ADGB: variants seen among roughly 807,000 people sequenced by gnomAD.
The protein encoded by ADGB is androglobin, also known as calpain-7-like protein.
In ADGB, 172 loss-of-function variants were observed where a neutral mutation model predicts 210.5. That is an observed-to-expected ratio of 0.82 (90% CI 0.72 to 0.93). The LOEUF is 0.93. Ranked by LOEUF, ADGB falls within the 40% of genes least tolerant of loss-of-function variation. ADGB has a pLI of 0.00. For missense variants in ADGB, 2,025 were observed against 1,964.8 expected, an observed-to-expected ratio of 1.03 and a Z score of -0.58; for synonymous variants, 658 against 662.7, an observed-to-expected ratio of 0.99 and a Z score of 0.11.
chr6:146,746,135 AG>A, intron 26 of ADGB, 26 bp downstream of exon 26: 1 of 1,422,062 alleles, frequency 7.0e-7, no homozygotes, highest in Non-Finnish European at 9.4e-7. Flanking sequence ...AGAAGGGGAA[AG>A]GCATTTTTTA....
chr6:146,803,583 C>T, intron 35 of ADGB: 7 of 1,408,520 alleles, frequency 5.0e-6, no homozygotes, highest in East Asian at 2.3e-5. Context: ...GTTTTGGAGA[C>T]TTCTTAACCT....
chr6:146,810,958 C>A (rs1233851034), intron 35 of ADGB, among the ~76,000 whole-genome samples: 4 of 152,054 alleles, frequency 2.6e-5, no homozygotes, highest in Non-Finnish European at 5.9e-5. Context: ...ATCAAACCAT[C>A]CTGTGGTATA....
At chr6:146,667,039 A>G in intron 7 of ADGB, 137 bp downstream of exon 7, 1 of 592,690 alleles carries the variant, frequency 1.7e-6, no homozygotes, top group South Asian at 2.5e-5. Flanking sequence ...GTTTTGTAGT[A>G]TTATATAAAG....
rs112028207 is a variant in ADGB at position 146,681,999 on chromosome 6, A to G, written c.1217-3735A>G. ...AAATAGAATTTATTTCATAGGGTTT[A>G]TGTGAACTGACTCATATGAAATACC... On this transcript the variant is annotated intron_variant, in intron 9 of 35. Coordinates refer to ENST00000397944, the MANE Select transcript of ADGB (RefSeq NM_024694.4). Among the ~76,000 whole-genome samples, 762 of 152,278 alleles carry G rather than the reference A, an allele frequency of 5.0e-3. 1 individual carries two copies. The highest frequency in any genetic ancestry group is 7.7e-3 in the Non-Finnish European group (527 of 68,008).
intron 1 of ADGB, among the ~76,000 whole-genome samples, chr6:146,618,354 T>A (rs1375489874): frequency 6.6e-6 from 1 of 151,938 alleles, no homozygotes; most frequent in Non-Finnish European, 1.5e-5. Flanking sequence ...TTTTTGTATA[T>A]TTTTATTCGT....
chr6:146,755,963 G>GTTTTT (rs1777401163), intron 27 of ADGB, among the ~76,000 whole-genome samples: 1 of 151,724 alleles, frequency 6.6e-6, no homozygotes, highest in Non-Finnish European at 1.5e-5. Flanking sequence ...TGTTTGTTTT[G>GTTTTT]TTTTGTTTTA....
At chr6:146,671,956 G>T (rs989202703) in intron 7 of ADGB, among the ~76,000 whole-genome samples, 1 of 152,098 alleles carries the variant, frequency 6.6e-6, no homozygotes, top group Non-Finnish European at 1.5e-5. Flanking sequence ...AACGTGATTA[G>T]CTTCCCTACC....
Position 146,779,800 on chromosome 6 carries a change from G to C in ADGB, c.3863-2220G>C, listed in dbSNP as rs76026072. ...TTTCAATTTATTTTGAAAACAAACC[G>C]AAGCAGTTTGTTTTGAAAACAAACT... is the stretch of plus-strand genomic sequence containing the variant. On this transcript the variant is annotated intron_variant, in intron 29 of 35. Coordinates refer to ENST00000397944, the MANE Select transcript of ADGB (RefSeq NM_024694.4). Among the ~76,000 whole-genome samples, 990 of 149,552 alleles carry C rather than the reference G, an allele frequency of 6.6e-3. 7 individuals are homozygous for C. The highest frequency in any genetic ancestry group is 7.9e-3 in the Non-Finnish European group (535 of 67,478).
chr6:146,809,892 G>A (rs1778279109), intron 35 of ADGB, among the ~76,000 whole-genome samples: 1 of 152,054 alleles, frequency 6.6e-6, no homozygotes, highest in African/African-American at 2.4e-5. Flanking sequence ...CCTTGACATT[G>A]GTCTTGGCAA....
At chr6:146,748,500 T>A (rs1003106121) in intron 26 of ADGB, among the ~76,000 whole-genome samples, 4 of 152,170 alleles carry the variant, frequency 2.6e-5, no homozygotes, top group African/African-American at 9.6e-5. Flanking sequence ...TTGCTGGTAA[T>A]CTTTGGTTAT....
At chr6:146,731,082 T>C (rs996610835) in intron 20 of ADGB, among the ~76,000 whole-genome samples, 2 of 152,194 alleles carry the variant, frequency 1.3e-5, no homozygotes, top group Admixed American at 6.5e-5. Flanking sequence ...TTATTTTTCG[T>C]AGGGAGTGAT....
At chr6:146,807,699 T>C (rs1471878873) in intron 35 of ADGB, 1 of 905,992 alleles carries the variant, frequency 1.1e-6, no homozygotes, top group Non-Finnish European at 1.6e-6. Flanking sequence ...AATTGTTCTT[T>C]CTTAGAAATA....
At chr6:146,789,858 G>A (rs1246363907) in intron 33 of ADGB, among the ~76,000 whole-genome samples, 3 of 152,146 alleles carry the variant, frequency 2.0e-5, no homozygotes, top group African/African-American at 7.2e-5. Flanking sequence ...GATGCAGTTT[G>A]GCTAGAACCT....
At chr6:146,764,160 A>C in intron 28 of ADGB, 60 bp downstream of exon 28, 1 of 1,389,442 alleles carries the variant, frequency 7.2e-7, no homozygotes, top group Non-Finnish European at 9.7e-7. Context: ...AAAACAAAAC[A>C]ATCATTTCCC....
At chr6:146,698,450 C>G (rs1462190964) in intron 12 of ADGB, among the ~76,000 whole-genome samples, 1 of 152,132 alleles carries the variant, frequency 6.6e-6, no homozygotes, top group Non-Finnish European at 1.5e-5. Context: ...CTCTTTACAT[C>G]ACAGGCAGTT....
rs759434964 is a variant in ADGB, at chr6:146,790,639, C to A, written c.4537+2029C>A. On this transcript the variant is annotated intron_variant, in intron 33 of 35. Transcript: ENST00000397944. ...TCAACATATTGGCTGTTGTGAATAACGTAATGCACATACAAGTACAGACAC... is the reference window on the plus strand; with the variant it reads ...TCAACATATTGGCTGTTGTGAATAAAGTAATGCACATACAAGTACAGACAC... Among the ~76,000 whole-genome samples, 5 of 152,146 alleles carry A rather than the reference C, an allele frequency of 3.3e-5. No homozygotes were observed. In the South Asian group the frequency reaches 1.0e-3, roughly 32 times the overall value.
At chr6:146,699,971 C>T (rs1776466523) in intron 12 of ADGB, among the ~76,000 whole-genome samples, 2 of 152,184 alleles carry the variant, frequency 1.3e-5, no homozygotes, top group South Asian at 4.1e-4. Context: ...GGCTTCATCA[C>T]CTGATTGGAT....
intron 32 of ADGB, among the ~76,000 whole-genome samples, chr6:146,786,776 C>A (rs1357888177): frequency 6.6e-6 from 1 of 152,144 alleles, no homozygotes; most frequent in African/African-American, 2.4e-5. Flanking sequence ...GAATAGGATT[C>A]AGTTCTTGTC....
intron 1 of ADGB, among the ~76,000 whole-genome samples, chr6:146,602,855 G>A (rs1780579823): frequency 1.3e-5 from 2 of 152,194 alleles, no homozygotes; most frequent in African/African-American, 4.8e-5. Flanking sequence ...GATCTAGGTT[G>A]TGTGATCTTT....
Sources: gnomAD v4.1 joint callset for allele counts (sites outside exome capture counted in the v4.1 genomes callset) on GRCh38, gnomAD v4.1.1 for gene constraint, MANE v1.5 for transcripts, NCBI Gene and HGNC (gene_info 2026-07-23, HGNC 2026-07-21) for gene names.